Variants in AKAP13 observed in about 807,000 individuals in gnomAD.
AKAP13 encodes the protein A-kinase anchoring protein 13.
Under a neutral mutation model 264.5 loss-of-function variants are expected in AKAP13, and 80 were observed. The ratio of observed to expected loss-of-function variants is 0.30; its 90% CI spans 0.25 to 0.36. The LOEUF is 0.36. AKAP13 is among the 10% of genes least tolerant of loss of function. AKAP13 has a pLI of 1.00. For synonymous variants in AKAP13, 1,380 were observed against 1,250.2 expected (o/e 1.10, Z -2.19); for missense variants, 3,712 against 3,435.2 (o/e 1.08, Z -2.01).
intron 2 of AKAP13, among the ~76,000 whole-genome samples, chr15:85,497,939 C>T (rs965939609): frequency 6.6e-6 from 1 of 152,020 alleles, no homozygotes; most frequent in South Asian, 2.1e-4. Flanking sequence ...CCTATCACTT[C>T]ACCGTTACAG....
intron 8 of AKAP13, among the ~76,000 whole-genome samples, chr15:85,633,925 G>A (rs900236484): frequency 2.6e-5 from 4 of 151,798 alleles, no homozygotes; most frequent in African/African-American, 9.7e-5. Context: ...CAAAATTTGT[G>A]GTTACTTCCT....
intron 9 of AKAP13, among the ~76,000 whole-genome samples, chr15:85,642,429 T>A (rs750447424): frequency 6.6e-6 from 1 of 152,240 alleles, no homozygotes; most frequent in Non-Finnish European, 1.5e-5. Context: ...TCCCCTTTAT[T>A]CAGTAGGAAG....
intron 1 of AKAP13, among the ~76,000 whole-genome samples, chr15:85,417,282 C>T (rs1054548726): frequency 1.3e-5 from 2 of 152,110 alleles, no homozygotes; most frequent in African/African-American, 2.4e-5. Flanking sequence ...ATTTTAGAAA[C>T]CTCATTTTCA....
At chr15:85,570,409 G>A (rs1567131170) in intron 5 of AKAP13, among the ~76,000 whole-genome samples, 2 of 152,174 alleles carry the variant, frequency 1.3e-5, no homozygotes, top group African/African-American at 2.4e-5. Context: ...CCGAGATCGC[G>A]CCACTGCTCT....
chr15:85,432,601 CTG>C (rs2073071070), intron 1 of AKAP13, among the ~76,000 whole-genome samples: 1 of 152,128 alleles, frequency 6.6e-6, no homozygotes, highest in Admixed American at 6.5e-5. Context: ...ACTTTGTTAT[CTG>C]AAAAAGACCT....
chr15:85,450,107 C>G (rs2150976310), intron 1 of AKAP13, among the ~76,000 whole-genome samples: 1 of 151,746 alleles, frequency 6.6e-6, no homozygotes, highest in African/African-American at 2.4e-5. Context: ...CATTATTGGT[C>G]TGTTTAGGGA....
intron 8 of AKAP13, among the ~76,000 whole-genome samples, chr15:85,629,841 G>A (rs1277862342): frequency 1.6e-5 from 2 of 124,068 alleles, no homozygotes; most frequent in East Asian, 4.9e-4. Context: ...GTGCAGCAGT[G>A]CTGTCTTGGC....
chr15:85,482,573 T>A (rs1468590111), intron 1 of AKAP13, among the ~76,000 whole-genome samples: 1 of 152,184 alleles, frequency 6.6e-6, no homozygotes, highest in Admixed American at 6.5e-5. Flanking sequence ...TTTGAGGTCA[T>A]TAGCAGGAGA....
At position 85,644,834 on chromosome 15, in the gene AKAP13, C is replaced by T. The variant is rs2082480735; in HGVS notation, c.4238-984C>T. 3.3e-5 allele frequency among the ~76,000 whole-genome samples: 5 copies of T among 152,160 alleles called. 1 individual carries two copies. Among genetic ancestry groups the T allele is most frequent in the Middle Eastern group, 6.8e-3 (2 of 294 alleles). ...AAACTTATTGAAGGAAGCTCATATC[C>T]ACTCAGTAATGGACTTGGGTTCTTG... On this transcript the variant is annotated intron_variant, in intron 9 of 36. Coordinates refer to ENST00000394518, the MANE Select transcript of AKAP13 (RefSeq NM_007200.5).
intron 1 of AKAP13, among the ~76,000 whole-genome samples, chr15:85,429,154 A>G (rs777789307): frequency 6.6e-6 from 1 of 152,206 alleles, no homozygotes; most frequent in Non-Finnish European, 1.5e-5. Context: ...TGGCCTAACT[A>G]CTACCATTTT....
intron 1 of AKAP13, 25 bp from the exon 2 acceptor site, chr15:85,485,685 C>G (rs1456944930): frequency 1.2e-6 from 2 of 1,608,922 alleles, no homozygotes; most frequent in Non-Finnish European, 8.5e-7. Context: ...TAATTTTATT[C>G]TCATTTATTC....
intron 1 of AKAP13, among the ~76,000 whole-genome samples, chr15:85,454,883 A>G (rs185561914): frequency 8.1e-4 from 124 of 152,304 alleles, no homozygotes; most frequent in African/African-American, 3.0e-3. Context: ...GCAGCAAGAA[A>G]TTGATCCAGA....
chr15:85,582,342 C>A (rs1241071360), intron 7 of AKAP13, among the ~76,000 whole-genome samples: 1 of 152,132 alleles, frequency 6.6e-6, no homozygotes, highest in South Asian at 2.1e-4. Context: ...TATAAACACT[C>A]CTGTCTCATT....
At chr15:85,534,589 C>G (rs2077332755) in intron 4 of AKAP13, 1 of 151,232 alleles carries the variant, frequency 6.6e-6, no homozygotes, top group South Asian at 2.1e-4. Context: ...CATGTACCAC[C>G]ATGCCTAGCA....
chr15:85,395,772 G>GAACA (rs2071079927), intron 1 of AKAP13, among the ~76,000 whole-genome samples: 1 of 151,726 alleles, frequency 6.6e-6, no homozygotes, highest in African/African-American at 2.4e-5. Context: ...TTTCCGTATT[G>GAACA]TCTTTGCCCA....
At chr15:85,628,260 C>A (rs1226254196) in intron 8 of AKAP13, among the ~76,000 whole-genome samples, 2 of 152,172 alleles carry the variant, frequency 1.3e-5, no homozygotes, top group South Asian at 2.1e-4. Flanking sequence ...TAATCAGAAT[C>A]ATCTTTTTCA....
chr15:85,696,960 T>G (rs1308995997), intron 17 of AKAP13, among the ~76,000 whole-genome samples: 1 of 152,172 alleles, frequency 6.6e-6, no homozygotes, highest in Non-Finnish European at 1.5e-5. Context: ...TCTCCCCAGG[T>G]CCCTGAGTGA....
chr15:85,578,931 A>G lies in AKAP13; in HGVS notation c.863A>G (p.Lys288Arg). ...AAAGTGTATTTCATTTCCTCCTAGA[A>G]AACAAACCTCAAGCAGATGGACAGT... ...KLMNIQQQLM[K>R]TNLKQMDSLM... The change falls in exon 7 of 37, where the codon AAA becomes AGA. Residue 288 changes from lysine to arginine, a missense_variant and splice_region_variant. Coordinates refer to ENST00000394518, the MANE Select transcript of AKAP13 (RefSeq NM_007200.5). 6.2e-7 allele frequency: 1 copy of G among 1,603,554 alleles called. No individual in the cohort carries two copies. The highest frequency in any genetic ancestry group is 8.5e-7 in the Non-Finnish European group (1 of 1,172,282).
intron 26 of AKAP13, chr15:85,726,197 C>T: frequency 2.2e-6 from 1 of 448,916 alleles, no homozygotes; most frequent in Non-Finnish European, 4.0e-6. Context: ...TGATAAATCC[C>T]ATTTTAAAAT....
Sources: allele counts gnomAD v4.1 joint callset (sites outside exome capture counted in the v4.1 genomes callset), GRCh38; gene constraint gnomAD v4.1.1; transcripts MANE v1.5; gene names NCBI Gene and HGNC (gene_info 2026-07-23, HGNC 2026-07-21).